The following ADGRB1 variants were observed in gnomAD, a reference collection of about 807,000 sequenced individuals.
ADGRB1 encodes adhesion G protein-coupled receptor B1.
A neutral mutation model predicts 175.7 loss-of-function variants in ADGRB1; 36 were observed. That is an observed-to-expected ratio of 0.20 (90% CI 0.16 to 0.27). ADGRB1 has a LOEUF of 0.27. Among genes scored for constraint, ADGRB1 ranks in the 10% least tolerant of loss-of-function variants. The pLI is 1.00. For missense variants in ADGRB1, 1,731 were observed against 2,255.3 expected, an observed-to-expected ratio of 0.77 and a Z score of 4.71; for synonymous variants, 1,054 against 979.4, an observed-to-expected ratio of 1.08 and a Z score of -1.42.
intron 22 of ADGRB1, among the ~76,000 whole-genome samples, chr8:142,523,255 G>C (rs934146508): frequency 6.6e-6 from 1 of 152,154 alleles, no homozygotes; most frequent in Non-Finnish European, 1.5e-5. Context: ...ATGGTTCACC[G>C]GGTAGGGAGA....
At chr8:142,484,182 G>A in intron 12 of ADGRB1, 137 bp downstream of exon 12, 1 of 714,280 alleles carries the variant, frequency 1.4e-6, no homozygotes, top group South Asian at 1.8e-5. Flanking sequence ...TCTCTTGCTG[G>A]TGTTGGCAGC....
intron 19 of ADGRB1, among the ~76,000 whole-genome samples, chr8:142,518,481 G>T (rs1237542188): frequency 7.2e-5 from 11 of 152,160 alleles, no homozygotes; most frequent in African/African-American, 2.7e-4. Context: ...AGGGGGTGGG[G>T]CCTGGTTCCT....
chr8:142,468,430 T>G (rs1349306645), intron 2 of ADGRB1, among the ~76,000 whole-genome samples: 1 of 152,322 alleles, frequency 6.6e-6, no homozygotes, highest in African/African-American at 2.4e-5. Flanking sequence ...GCTTGTCATC[T>G]TGTGCAGGAT....
In ADGRB1 at chr8:142,533,616, A is replaced by G. The variant is rs1172299812; in HGVS notation, c.3570+150A>G. The stretch of plus-strand genomic sequence containing the variant: ...ACATCTGCAGGCCTCGGTGGTCCAC[A>G]GAGCGGGGCCTGCAGGTGAGCGTGT... On this transcript the variant is annotated intron_variant, in intron 25 of 30. Coordinates refer to ENST00000517894, the MANE Select transcript of ADGRB1 (RefSeq NM_001702.3). 12 of 953,228 alleles carry G rather than the reference A, an allele frequency of 1.3e-5. No individual in the cohort carries two copies. In the Admixed American group the frequency reaches 1.5e-4, roughly 12 times the overall value. The allele number at this position is 953,228 out of a possible 1,614,324, so 59.0% of individuals were successfully genotyped here.
intron 2 of ADGRB1, among the ~76,000 whole-genome samples, chr8:142,466,644 G>A: frequency 6.6e-6 from 1 of 152,252 alleles, no homozygotes; most frequent in East Asian, 1.9e-4. Flanking sequence ...GCAGAGTGGA[G>A]GTCACTGTGG....
intron 2 of ADGRB1, among the ~76,000 whole-genome samples, chr8:142,472,691 G>A (rs567818646): frequency 1.1e-4 from 17 of 152,332 alleles, no homozygotes; most frequent in Non-Finnish European, 1.9e-4. Context: ...TAGCAGGAGT[G>A]TGACCAAGAT....
At position 142,493,567 on chromosome 8, in the gene ADGRB1, C is replaced by T. The variant is rs544187241; in HGVS notation, c.2675+2752C>T. On this transcript the variant is annotated intron_variant, in intron 17 of 30. Transcript: ENST00000517894. This position sits in a 1 kb window ranked among gnomAD's most constrained non-coding sequence, Gnocchi z 5.0. ...GGACAGGAGGACAGGAGGCAGGTGCCGGTGTGGCCCACGCAGTGCCTGGCA... is the reference window on the plus strand; with the variant it reads ...GGACAGGAGGACAGGAGGCAGGTGCTGGTGTGGCCCACGCAGTGCCTGGCA... Among the ~76,000 whole-genome samples the T allele has an allele frequency of 2.0e-5, 3 of 152,336 alleles. No homozygotes were observed. The highest frequency in any genetic ancestry group is 2.1e-4 in the South Asian group (1 of 4,834).
chr8:142,478,147 C>CGGGT, intron 6 of ADGRB1, 40 bp from the exon 7 acceptor site: 1 of 1,570,170 alleles, frequency 6.4e-7, no homozygotes, highest in South Asian at 1.2e-5. Flanking sequence ...ATTGGGGTGC[C>CGGGT]GGGTGTTCAC....
chr8:142,494,229 C>T (rs1450005673), intron 17 of ADGRB1, among the ~76,000 whole-genome samples: 2 of 152,164 alleles, frequency 1.3e-5, no homozygotes, highest in Non-Finnish European at 2.9e-5. Context: ...ACCCTGTTCA[C>T]ACACTGAGTT....
At position 142,510,047 on chromosome 8, in the gene ADGRB1, G is replaced by T. The variant is rs1235301412; in HGVS notation, c.2676-885G>T. ...CTGCCTTGAAGGGTGGGGGAATTCG[G>T]CTCCAAAGCAGGAGGAGGAGGAAGA... On this transcript the variant is annotated intron_variant, in intron 17 of 30. Transcript: ENST00000517894. This position sits in a 1 kb window ranked among gnomAD's most constrained non-coding sequence, Gnocchi z 6.3. 6.6e-6 allele frequency among the ~76,000 whole-genome samples: 1 copy of T among 152,096 alleles called. No homozygotes were observed. Among genetic ancestry groups the T allele is most frequent in the East Asian group, 1.9e-4 (1 of 5,160 alleles).
At chr8:142,498,322 T>C (rs1842323196) in intron 17 of ADGRB1, among the ~76,000 whole-genome samples, 1 of 152,208 alleles carries the variant, frequency 6.6e-6, no homozygotes, top group African/African-American at 2.4e-5. Context: ...GAGGAGTTTG[T>C]TCAGGGAGTC....
At chr8:142,471,258 TC>T (rs1486199056) in intron 2 of ADGRB1, among the ~76,000 whole-genome samples, 1 of 152,208 alleles carries the variant, frequency 6.6e-6, no homozygotes, top group Non-Finnish European at 1.5e-5. Flanking sequence ...CACCATGCCT[TC>T]AGCCCTTCAC....
chr8:142,526,949 T>A (rs962204158), intron 24 of ADGRB1, among the ~76,000 whole-genome samples: 1 of 152,072 alleles, frequency 6.6e-6, no homozygotes, highest in Non-Finnish European at 1.5e-5. Flanking sequence ...CAAGGCTGGG[T>A]GCTGGGGGTC....
rs1214348499 is a variant in ADGRB1, at chr8:142,493,758, C to T, written c.2675+2943C>T. On this transcript the variant is annotated intron_variant, in intron 17 of 30. Coordinates refer to ENST00000517894, the MANE Select transcript of ADGRB1 (RefSeq NM_001702.3). The surrounding 1 kb of genome is among the most constrained non-coding windows in gnomAD (Gnocchi z 5.0). ...TGCTCTGGAACTGGGCAGCCTGGAGCCCTAGAGGGCGGGCCACGGCTGGCA... is the reference window on the plus strand; with the variant it reads ...TGCTCTGGAACTGGGCAGCCTGGAGTCCTAGAGGGCGGGCCACGGCTGGCA... Among the ~76,000 whole-genome samples the T allele has an allele frequency of 2.6e-5, 4 of 152,256 alleles. No homozygotes were observed. The highest frequency in any genetic ancestry group is 4.8e-5 in the African/African-American group (2 of 41,468).
intron 3 of ADGRB1, among the ~76,000 whole-genome samples, chr8:142,476,355 G>T (rs1449076140): frequency 6.6e-6 from 1 of 152,172 alleles, no homozygotes; most frequent in South Asian, 2.1e-4. Context: ...GCCTGTGGGC[G>T]GTGGAGGCAG....
chr8:142,470,274 G>A (rs529304712), intron 2 of ADGRB1, among the ~76,000 whole-genome samples: 1 of 152,228 alleles, frequency 6.6e-6, no homozygotes, highest in African/African-American at 2.4e-5. Flanking sequence ...GAGTGGGGCC[G>A]TTTCTCTCAA....
intron 11 of ADGRB1, 58 bp from the exon 12 acceptor site, chr8:142,483,919 T>G: frequency 6.4e-7 from 1 of 1,573,772 alleles, no homozygotes; most frequent in Non-Finnish European, 8.7e-7. Flanking sequence ...CTGGTCACAG[T>G]GAACGGTGAT....
At chr8:142,526,513 C>CCCCCCCA in intron 23 of ADGRB1, 29 bp from the exon 24 acceptor site, 1 of 1,363,504 alleles carries the variant, frequency 7.3e-7, no homozygotes, top group East Asian at 2.5e-5. Context: ...GCCCCCACCC[C>CCCCCCCA]CACACCCCCA....
In ADGRB1 at chr8:142,451,143, C is replaced by T. The variant is rs572046861; in HGVS notation, c.-220+1039C>T. ...CCCCTGGGCGAGGTAGAGAGCTCCT[C>T]CGGCCTCGGGAGGGGGCGGCGGAGC... On this transcript the variant is annotated intron_variant, in intron 1 of 30. Transcript: ENST00000517894. Among the ~76,000 whole-genome samples the T allele has an allele frequency of 3.3e-5, 5 of 152,238 alleles. No homozygotes were observed. In the East Asian group the frequency reaches 9.7e-4, roughly 30 times the overall value.
Sources: gnomAD v4.1 joint callset for allele counts (sites outside exome capture counted in the v4.1 genomes callset) on GRCh38, gnomAD v4.1.1 for gene constraint, Gnocchi (gnomAD v3.1) non-coding constraint, MANE v1.5 for transcripts, NCBI Gene and HGNC (gene_info 2026-07-23, HGNC 2026-07-21) for gene names.